Variants in THSD7B observed in about 807,000 individuals in gnomAD.
THSD7B encodes the protein thrombospondin type 1 domain containing 7B, also known as thrombospondin type-1 domain-containing protein 7B.
THSD7B carries 138 observed loss-of-function variants against 213.6 expected under a neutral mutation model. The observed-to-expected ratio is 0.65, with a 90% confidence interval of 0.56 to 0.74. The LOEUF (loss-of-function observed/expected upper bound fraction) is 0.74, where lower values mean the gene tolerates loss of function less well. THSD7B is among the 30% of genes least tolerant of loss of function. THSD7B has a pLI of 0.00. For missense variants in THSD7B, 1,931 were observed against 1,991.5 expected, an observed-to-expected ratio of 0.97 and a Z score of 0.58; for synonymous variants, 742 against 687.0, an observed-to-expected ratio of 1.08 and a Z score of -1.25.
rs879258371 is a variant in THSD7B, at chr2:136,968,194, C to T, written c.139+85877C>T. Among the ~76,000 whole-genome samples, 5 of 152,218 alleles carry T rather than the reference C, an allele frequency of 3.3e-5. No individual in the cohort carries two copies. In the East Asian group the frequency reaches 5.8e-4, roughly 18 times the overall value. ...CTACGAATGACAGGTTATTTTCCAA[C>T]GTGATGAAACTAATTTACTTTCCTA... is the stretch of plus-strand genomic sequence containing the variant. On this transcript the variant is annotated intron_variant, in intron 2 of 27. Coordinates refer to ENST00000409968, the MANE Select transcript of THSD7B (RefSeq NM_001316349.2).
chr2:136,802,205 T>A (rs940506875), intron 1 of THSD7B, among the ~76,000 whole-genome samples: 1 of 152,026 alleles, frequency 6.6e-6, no homozygotes, highest in Non-Finnish European at 1.5e-5. Flanking sequence ...CCAATTACCA[T>A]CAGGAGAAAT....
At chr2:136,849,890 G>A (rs1045151850) in intron 1 of THSD7B, among the ~76,000 whole-genome samples, 2 of 151,946 alleles carry the variant, frequency 1.3e-5, no homozygotes, top group Non-Finnish European at 2.9e-5. Flanking sequence ...TTTTATATTT[G>A]CTTCAAAAGG....
At position 137,056,958 on chromosome 2, in the gene THSD7B, T is replaced by G; in HGVS notation, c.678T>G (p.Cys226Trp). 6.2e-7 allele frequency: 1 copy of G among 1,613,970 alleles called. No individual in the cohort carries two copies. The highest frequency in any genetic ancestry group is 8.5e-7 in the Non-Finnish European group (1 of 1,179,876). ...CAAATCTGACTGAGTCAAGAGCCTG[T>G]GATGCTCCCATTTCCTGTCCTCTTG... ...QCPNLTESRA[C>W]DAPISCPLGE... The change falls in exon 3 of 28, where the codon TGT becomes TGG. Residue 226 changes from cysteine (C) to tryptophan (W), a missense_variant. Physicochemically the swap from Cys to Trp is radical, Grantham distance 215. Coordinates refer to ENST00000409968, the MANE Select transcript of THSD7B (RefSeq NM_001316349.2).
chr2:137,035,281 A>G (rs930139278), intron 2 of THSD7B, among the ~76,000 whole-genome samples: 2 of 152,210 alleles, frequency 1.3e-5, no homozygotes, highest in African/African-American at 4.8e-5. Context: ...ACTAGAAACC[A>G]ATTGACCTAC....
At chr2:137,341,876 C>T (rs1239249063) in intron 12 of THSD7B, among the ~76,000 whole-genome samples, 1 of 151,556 alleles carries the variant, frequency 6.6e-6, no homozygotes, top group African/African-American at 2.4e-5. Context: ...ACTATAGCTC[C>T]ATAGTAAAAC....
At chr2:137,516,937 T>C in intron 15 of THSD7B, among the ~76,000 whole-genome samples, 1 of 152,172 alleles carries the variant, frequency 6.6e-6, no homozygotes, top group Non-Finnish European at 1.5e-5. Context: ...TGTTCAACTC[T>C]CCTATTTGAG....
intron 1 of THSD7B, among the ~76,000 whole-genome samples, chr2:136,855,339 A>T (rs1419162304): frequency 6.6e-6 from 1 of 152,138 alleles, no homozygotes; most frequent in Admixed American, 6.5e-5. Flanking sequence ...AAATCTTAAA[A>T]TCGCTTCCTT....
At position 137,572,505 on chromosome 2, in the gene THSD7B, T is replaced by G. The variant is rs1401846658; in HGVS notation, c.3372T>G (p.Cys1124Trp). 6.2e-7 allele frequency: 1 copy of G among 1,613,800 alleles called. No individual in the cohort carries two copies. The highest frequency in any genetic ancestry group is 8.5e-7 in the Non-Finnish European group (1 of 1,179,854). ...AAACCCAGTCCTGTTCTCTTATGTGTCCCAATGAGTGTGTCATGTCTGAGT... is the reference window on the plus strand; with the variant it reads ...AAACCCAGTCCTGTTCTCTTATGTGGCCCAATGAGTGTGTCATGTCTGAGT... ...PPETQSCSLM[C>W]PNECVMSEWG... Residue 1124 changes from cysteine to tryptophan, a missense_variant, in exon 17 of 28, where the codon TGT becomes TGG. Physicochemically the swap from Cys to Trp is radical, Grantham distance 215 (BLOSUM62 -2). Coordinates refer to ENST00000409968, the MANE Select transcript of THSD7B (RefSeq NM_001316349.2).
Position 136,816,641 on chromosome 2 carries a change from T to C in THSD7B, c.-36+50954T>C, listed in dbSNP as rs1273057958. Among the ~76,000 whole-genome samples the C allele has an allele frequency of 3.3e-5, 5 of 152,220 alleles. No homozygotes were observed. In the South Asian group the frequency reaches 1.0e-3, roughly 31 times the overall value. On this transcript the variant is annotated intron_variant, in intron 1 of 27. Transcript: ENST00000409968. ...TTAGGATAGATTTTTGCATAGGATT[T>C]CTTGAGTGAAAGAATATACATATTT...
At chr2:137,550,487 T>A (rs75638249) in intron 15 of THSD7B, among the ~76,000 whole-genome samples, 11,065 of 152,210 alleles carry the variant, frequency 0.073, 446 homozygotes, top group African/African-American at 0.086. Context: ...AAGGAATTTC[T>A]ACTTCTCTGC....
chr2:137,385,071 A>G (rs1355449057), intron 12 of THSD7B, among the ~76,000 whole-genome samples: 1 of 152,200 alleles, frequency 6.6e-6, no homozygotes. Context: ...GGGAGCTTCA[A>G]AGAATTTTCC....
At chr2:137,205,747 T>C (rs1680971951) in intron 7 of THSD7B, among the ~76,000 whole-genome samples, 2 of 152,048 alleles carry the variant, frequency 1.3e-5, no homozygotes, top group Non-Finnish European at 2.9e-5. Context: ...TACTTTTGAA[T>C]TTAAATATTT....
chr2:137,258,801 A>C (rs187954971), intron 10 of THSD7B, among the ~76,000 whole-genome samples: 1 of 151,684 alleles, frequency 6.6e-6, no homozygotes, highest in Non-Finnish European at 1.5e-5. Context: ...CCCCGCATGC[A>C]TTAGGTATTT....
intron 10 of THSD7B, among the ~76,000 whole-genome samples, chr2:137,265,180 G>A (rs1682558290): frequency 6.6e-6 from 1 of 152,162 alleles, no homozygotes; most frequent in African/African-American, 2.4e-5. Context: ...TGGCTGCATA[G>A]TATTCCATGG....
At chr2:137,236,000 A>C (rs1484364214) in intron 9 of THSD7B, among the ~76,000 whole-genome samples, 1 of 152,238 alleles carries the variant, frequency 6.6e-6, no homozygotes, top group Non-Finnish European at 1.5e-5. Context: ...AATGAGATTA[A>C]TTGAGCTAAG....
At chr2:137,634,658 A>G (rs914496131) in intron 20 of THSD7B, among the ~76,000 whole-genome samples, 3 of 152,190 alleles carry the variant, frequency 2.0e-5, no homozygotes, top group Non-Finnish European at 2.9e-5. Context: ...ATGGCTTTCT[A>G]AAGGGCATGG....
intron 3 of THSD7B, among the ~76,000 whole-genome samples, chr2:137,070,215 C>CT (rs34908966): frequency 0.097 from 14,731 of 151,684 alleles, 978 homozygotes; most frequent in African/African-American, 0.19. Flanking sequence ...GTTATATAAT[C>CT]CTTTTGAATT....
chr2:137,271,452 T>A (rs1486673910), intron 10 of THSD7B, among the ~76,000 whole-genome samples: 13 of 138,980 alleles, frequency 9.4e-5, no homozygotes, highest in African/African-American at 2.7e-4. Flanking sequence ...TAATATATAA[T>A]ATAATATATA....
At chr2:136,873,116 G>T (rs10186849) in intron 1 of THSD7B, among the ~76,000 whole-genome samples, 1 of 148,200 alleles carries the variant, frequency 6.7e-6, no homozygotes, top group African/African-American at 2.5e-5. Flanking sequence ...GAAGGTTTCA[G>T]AAAACCTATT....
Sources: allele counts gnomAD v4.1 joint callset (sites outside exome capture counted in the v4.1 genomes callset), GRCh38; gene constraint gnomAD v4.1.1; transcripts MANE v1.5; gene names NCBI Gene and HGNC (gene_info 2026-07-23, HGNC 2026-07-21).